PTPDC1: variants seen among roughly 807,000 people sequenced by gnomAD.
PTPDC1 encodes the protein protein tyrosine phosphatase domain-containing protein 1.
Under a neutral mutation model 75.3 loss-of-function variants are expected in PTPDC1, and 53 were observed. That is an observed-to-expected ratio of 0.70 (90% CI 0.56 to 0.88). The LOEUF (loss-of-function observed/expected upper bound fraction) is 0.88, where lower values mean the gene tolerates loss of function less well. PTPDC1 is among the 40% of genes least tolerant of loss of function. The pLI, the probability that PTPDC1 is intolerant of heterozygous loss-of-function variation, is 0.00. For synonymous variants in PTPDC1, 349 were observed against 366.2 expected, an observed-to-expected ratio of 0.95 and a Z score of 0.54; for missense variants, 925 against 998.6, an observed-to-expected ratio of 0.93 and a Z score of 0.99.
chr9:94,080,899 A>G (rs992508377), upstream of PTPDC1, among the ~76,000 whole-genome samples: 2 of 152,238 alleles, frequency 1.3e-5, no homozygotes, highest in Non-Finnish European at 2.9e-5. Flanking sequence ...CTTTGTGGGA[A>G]ATATACACTA....
intron 4 of PTPDC1, 62 bp from the exon 5 acceptor site, chr9:94,095,247 TTTTCATTA>T: frequency 8.7e-7 from 1 of 1,145,644 alleles, no homozygotes. Flanking sequence ...ATCTGTGTAC[TTTTCATTA>T]GTGTTTGTAC....
Position 94,091,055 on chromosome 9 carries a change from C to T in PTPDC1, c.616+2792C>T, listed in dbSNP as rs369763871. Among the ~76,000 whole-genome samples, 620 of 151,408 alleles carry T rather than the reference C, an allele frequency of 4.1e-3. 6 individuals are homozygous for T. Among genetic ancestry groups the T allele is most frequent in the African/African-American group, 0.013 (538 of 40,892 alleles). Reference sequence around the variant, plus strand: ...GGGACAATTTGACTTCCTCTTTTCCCAATTGAATACCCTTTATTTCCTTCT... The same window carrying T: ...GGGACAATTTGACTTCCTCTTTTCCTAATTGAATACCCTTTATTTCCTTCT... On this transcript the variant is annotated intron_variant, in intron 4 of 8. Coordinates refer to ENST00000620992, the MANE Select transcript of PTPDC1 (RefSeq NM_001253829.2).
chr9:94,068,441 G>T (rs1363466229), intron 2 of PTPDC1, among the ~76,000 whole-genome samples: 2 of 151,920 alleles, frequency 1.3e-5, no homozygotes, highest in Non-Finnish European at 2.9e-5. Flanking sequence ...TTTGTCTGCT[G>T]TTTCCTCATG....
chr9:94,039,755 G>T (rs1208782268), intron 1 of PTPDC1, among the ~76,000 whole-genome samples: 1 of 152,052 alleles, frequency 6.6e-6, no homozygotes, highest in Non-Finnish European at 1.5e-5. Flanking sequence ...TAAAATGAAA[G>T]AAAATACCAG....
chr9:94,098,137 A>G lies in PTPDC1; in HGVS notation c.1571A>G (p.Asn524Ser), dbSNP rs768013626. 1 of 1,614,214 alleles carries G rather than the reference A, an allele frequency of 6.2e-7. No individual in the cohort carries two copies. Among genetic ancestry groups the G allele is most frequent in the East Asian group, 2.2e-5 (1 of 44,890 alleles). ...KFGGLEGLKD[N>S]GSPIFHGRII... is the part of the protein sequence containing the mutation. ...GGAGGCCTGGAAGGACTCAAAGATA[A>G]TGGGTCACCAATTTTCCATGGAAGG... Residue 524 changes from asparagine to serine, a missense_variant, in exon 6 of 9, where the codon AAT becomes AGT. By Grantham distance (46) the Asn-to-Ser change is conservative. Transcript: ENST00000620992.
In PTPDC1 at chr9:94,104,319, C is replaced by G. The variant is rs1400099541; in HGVS notation, c.2244C>G (p.Asn748Lys). 1.2e-6 allele frequency: 2 copies of G among 1,613,902 alleles called. No homozygotes were observed. Among genetic ancestry groups the G allele is most frequent in the Non-Finnish European group, 1.7e-6 (2 of 1,179,806 alleles). The change falls in exon 8 of 9, where the codon AAC (asparagine) becomes AAG (lysine). Residue 748 changes from asparagine (N) to lysine (K), a missense_variant. Asn to Lys is a moderately conservative substitution (Grantham distance 94). Coordinates refer to ENST00000620992, the MANE Select transcript of PTPDC1 (RefSeq NM_001253829.2). ...TILCVLHCIV[N>K]LQTIPVDVEE... is the part of the protein sequence containing the mutation. ...TCTGCGTGTTGCACTGCATAGTGAA[C>G]CTGCAGACAATTCCCGTGGATGTGG...
At chr9:94,039,887 C>T (rs1467903347) in intron 1 of PTPDC1, among the ~76,000 whole-genome samples, 1 of 152,132 alleles carries the variant, frequency 6.6e-6, no homozygotes, top group Non-Finnish European at 1.5e-5. Context: ...TATCAAAGGA[C>T]AGCTCTCCTG....
At chr9:94,032,005 C>T (rs1829737588) in intron 1 of PTPDC1, among the ~76,000 whole-genome samples, 1 of 152,176 alleles carries the variant, frequency 6.6e-6, no homozygotes, top group African/African-American at 2.4e-5. Context: ...TACATATGTC[C>T]ACACAATTTT....
rs1315264725 is a variant in PTPDC1, at chr9:94,084,613, C to G, written c.83C>G (p.Ser28Ter). The G allele has an allele frequency of 5.6e-6, 9 of 1,613,584 alleles. No individual in the cohort carries two copies. The highest frequency in any genetic ancestry group is 3.3e-5 in the Admixed American group (2 of 59,964). ...SFLQGRRHST[S>*]DPVLRLQQAR... ...CTCCAGGGCCGCCGGCACTCCACCTCAGACCCAGTACTGCGGCTGCAGCAG... is the reference window on the plus strand; with the variant it reads ...CTCCAGGGCCGCCGGCACTCCACCTGAGACCCAGTACTGCGGCTGCAGCAG... The change falls in exon 1 of 9, where the codon TCA becomes TGA. Residue 28 changes from serine (S) to a stop codon, truncating the protein, a stop_gained. Transcript: ENST00000620992. LOFTEE classifies it high-confidence loss of function.
At position 94,088,276 on chromosome 9, in the gene PTPDC1, C is replaced by T. The variant is rs780226402; in HGVS notation, c.616+13C>T. ...ATGGAGGCTGGCAGTAAGTTCCTCC[C>T]ACCCTCCTCTCATGAATTATCAAGG... On this transcript the variant is annotated intron_variant, in intron 4 of 8. Coordinates refer to ENST00000620992, the MANE Select transcript of PTPDC1 (RefSeq NM_001253829.2). 1.4e-4 allele frequency: 219 copies of T among 1,612,128 alleles called. No homozygotes were observed. Among genetic ancestry groups the T allele is most frequent in the Non-Finnish European group, 1.8e-4 (214 of 1,179,408 alleles).
chr9:94,098,548 A>G lies in PTPDC1; in HGVS notation c.1982A>G (p.Glu661Gly). 3 of 1,614,022 alleles carry G rather than the reference A, an allele frequency of 1.9e-6. No individual in the cohort carries two copies. The highest frequency in any genetic ancestry group is 2.5e-6 in the Non-Finnish European group (3 of 1,179,968). ...LANLNESVEK[E>G]ELKRKVEMWQ... The stretch of plus-strand genomic sequence containing the variant: ...AATTTAAATGAATCTGTAGAAAAGG[A>G]GGAACTAAAAAGGAAGGTAGAAATG... The change falls in exon 6 of 9, where the codon GAG becomes GGG. Residue 661 changes from glutamate to glycine, a missense_variant. Transcript: ENST00000620992.
intron 2 of PTPDC1, among the ~76,000 whole-genome samples, chr9:94,086,176 A>T (rs1478266812): frequency 1.3e-5 from 2 of 152,182 alleles, no homozygotes; most frequent in Admixed American, 6.5e-5. Flanking sequence ...GTACTTTTTC[A>T]TATTGGATTT....
intron 7 of PTPDC1, among the ~76,000 whole-genome samples, chr9:94,103,834 T>C (rs992453671): frequency 1.3e-5 from 2 of 152,208 alleles, no homozygotes; most frequent in African/African-American, 4.8e-5. Flanking sequence ...TTTCTTTGTC[T>C]ACCTGCCTCC....
At chr9:94,033,010 T>G (rs1371432088) in intron 1 of PTPDC1, among the ~76,000 whole-genome samples, 2 of 152,092 alleles carry the variant, frequency 1.3e-5, no homozygotes, top group African/African-American at 4.8e-5. Context: ...TACTGCTGTG[T>G]GCCACCACGC....
chr9:94,061,233 G>A (rs561760542), intron 1 of PTPDC1, among the ~76,000 whole-genome samples: 1 of 152,290 alleles, frequency 6.6e-6, no homozygotes, highest in Non-Finnish European at 1.5e-5. Flanking sequence ...AATACTCCAT[G>A]GGAACACTGA....
chr9:94,079,849 G>T (rs1826818135), upstream of PTPDC1, among the ~76,000 whole-genome samples: 1 of 152,176 alleles, frequency 6.6e-6, no homozygotes, highest in South Asian at 2.1e-4. Flanking sequence ...ATAGCTTCTG[G>T]TCTTCTTGGC....
intron 1 of PTPDC1, among the ~76,000 whole-genome samples, chr9:94,060,331 G>A (rs1197587496): frequency 6.6e-6 from 1 of 152,198 alleles, no homozygotes; most frequent in Non-Finnish European, 1.5e-5. Context: ...ATTGTGGAGA[G>A]TGTGCTCACA....
At chr9:94,084,953 GT>G in intron 1 of PTPDC1, among the ~76,000 whole-genome samples, 179 bp downstream of exon 1, 1 of 152,008 alleles carries the variant, frequency 6.6e-6, no homozygotes, top group Non-Finnish European at 1.5e-5. Context: ...AATGTTTTGT[GT>G]TTTTTTATTA....
chr9:94,086,674 C>G (rs540207273), intron 2 of PTPDC1, among the ~76,000 whole-genome samples: 1 of 152,224 alleles, frequency 6.6e-6, no homozygotes, highest in Non-Finnish European at 1.5e-5. Flanking sequence ...TATTGGGCGT[C>G]TGCCCACTCA....
Sources: allele counts gnomAD v4.1 joint callset (sites outside exome capture counted in the v4.1 genomes callset), GRCh38; gene constraint gnomAD v4.1.1; transcripts MANE v1.5; gene names NCBI Gene and HGNC (gene_info 2026-07-23, HGNC 2026-07-21).